Variants in ZNF287 observed in about 807,000 individuals in gnomAD.
The protein encoded by ZNF287 is zinc finger protein 287.
Under a neutral mutation model 73.7 loss-of-function variants are expected in ZNF287, and 31 were observed. The observed-to-expected ratio is 0.42, with a 90% confidence interval of 0.32 to 0.57. ZNF287 has a LOEUF of 0.57. Ranked by LOEUF, ZNF287 falls within the 20% of genes least tolerant of loss-of-function variation. The probability of loss-of-function intolerance (pLI) is 0.13; values close to 1 mark genes in which losing one functional copy is unlikely to be tolerated. For synonymous variants in ZNF287, 301 were observed against 307.2 expected (o/e 0.98, Z 0.21); for missense variants, 641 against 909.3 (o/e 0.70, Z 3.79).
At chr17:16,565,297 A>G (rs1385346791) in intron 3 of ZNF287, among the ~76,000 whole-genome samples, 2 of 151,868 alleles carry the variant, frequency 1.3e-5, no homozygotes, top group Admixed American at 6.6e-5. Context: ...TTCATGTTCT[A>G]CAAAATATTA....
chr17:16,556,621 T>G (rs1483769470), intron 5 of ZNF287, among the ~76,000 whole-genome samples: 2 of 152,174 alleles, frequency 1.3e-5, no homozygotes, highest in Admixed American at 1.3e-4. Context: ...CTAGGATTTG[T>G]TATTCCCCTC....
In ZNF287 at chr17:16,551,958, T is replaced by G; in HGVS notation, c.2184A>C (p.Gly728=). 1.2e-6 allele frequency: 2 copies of G among 1,614,150 alleles called. No homozygotes were observed. Among genetic ancestry groups the G allele is most frequent in the Non-Finnish European group, 1.7e-6 (2 of 1,179,984 alleles). ...ATATACGACATGCATAGGGTTTCTC[T>G]CCTGTGTGAATTCTCTGGTGTTGAA... The part of the protein sequence containing the change: ...CLIQHQRIHT[G]EKPYACRICG... The change falls in exon 6 of 6, where the codon GGA becomes GGC. Residue 728 remains glycine (G), a synonymous_variant. Transcript: ENST00000395825.
In ZNF287 at chr17:16,552,958, G is replaced by A. The variant is rs376489172; in HGVS notation, c.1184C>T (p.Ser395Leu). The change falls in exon 6 of 6, where the codon TCG (serine) becomes TTG (leucine). Residue 395 changes from serine (S) to leucine (L), a missense_variant. Ser to Leu is a moderately radical substitution (Grantham distance 145, BLOSUM62 -2). Around this residue, in one of 2 missense-constraint regions of ZNF287, gnomAD observed 284 missense variants for 466.8 expected, o/e 0.61. Coordinates refer to ENST00000395825, the MANE Select transcript of ZNF287 (RefSeq NM_020653.4). This position sits in a 1 kb window ranked among gnomAD's most constrained non-coding sequence, Gnocchi z 6.5. Reference protein sequence around the residue: ...KHQSTHAKEKSYECEECGKEF... With the variant: ...KHQSTHAKEKLYECEECGKEF... Reference sequence around the variant, plus strand: ...TTTCCCACATTCTTCACATTCATACGATTTCTCTTTGGCATGGGTACTTTG... The same window carrying A: ...TTTCCCACATTCTTCACATTCATACAATTTCTCTTTGGCATGGGTACTTTG... 19 of 1,614,016 alleles carry A rather than the reference G, an allele frequency of 1.2e-5. No individual in the cohort carries two copies. The highest frequency in any genetic ancestry group is 8.0e-5 in the African/African-American group (6 of 74,914).
intron 3 of ZNF287, among the ~76,000 whole-genome samples, chr17:16,565,687 A>C (rs1907701857): frequency 6.6e-6 from 1 of 152,072 alleles, no homozygotes; most frequent in East Asian, 1.9e-4. Flanking sequence ...ACTATTCTTT[A>C]AAATAATATA....
intron 3 of ZNF287, among the ~76,000 whole-genome samples, chr17:16,564,308 C>A (rs2142500381): frequency 6.6e-6 from 1 of 152,256 alleles, no homozygotes; most frequent in South Asian, 2.1e-4. Flanking sequence ...AGAAGTGATC[C>A]TCTCACCTCA....
At position 16,552,129 on chromosome 17, in the gene ZNF287, A is replaced by G; in HGVS notation, c.2013T>C (p.Thr671=). 1.2e-6 allele frequency: 2 copies of G among 1,614,126 alleles called. No homozygotes were observed. The highest frequency in any genetic ancestry group is 1.7e-6 in the Non-Finnish European group (2 of 1,179,980). Residue 671 remains threonine (T), a synonymous_variant, in exon 6 of 6, where the codon ACT becomes ACC. Coordinates refer to ENST00000395825, the MANE Select transcript of ZNF287 (RefSeq NM_020653.4). The surrounding 1 kb of genome is among the most constrained non-coding windows in gnomAD (Gnocchi z 6.5). ...CATTACATTTATAGGGTTTTTCTCC[A>G]GTATGAATCCTTTGATGCTGAGTAA... ...ANLTQHQRIH[T]GEKPYKCNEC...
intron 3 of ZNF287, among the ~76,000 whole-genome samples, chr17:16,565,999 TAAATTCATG>T (rs1389861138): frequency 7.2e-5 from 11 of 152,108 alleles, no homozygotes; most frequent in African/African-American, 2.7e-4. Context: ...AAAATATATA[TAAATTCATG>T]ACCAACAGTA....
chr17:16,547,087 A>G lies in ZNF287; in HGVS notation c.*4769T>C, dbSNP rs1218325936. Among the ~76,000 whole-genome samples the G allele has an allele frequency of 2.0e-5, 3 of 152,248 alleles. No individual in the cohort carries two copies. Among genetic ancestry groups the G allele is most frequent in the African/African-American group, 7.2e-5 (3 of 41,456 alleles). The stretch of plus-strand genomic sequence containing the variant: ...TTCGGGCACATGCAAGTGAACTGAC[A>G]CCAGAAGACAAAGAATGAAACATAA... On this transcript the variant is annotated 3_prime_UTR_variant, in exon 6 of 6. Coordinates refer to ENST00000395825, the MANE Select transcript of ZNF287 (RefSeq NM_020653.4).
Position 16,547,688 on chromosome 17 carries a change from C to T in ZNF287, c.*4168G>A, listed in dbSNP as rs1906357971. Among the ~76,000 whole-genome samples the T allele has an allele frequency of 6.6e-6, 1 of 152,172 alleles. No individual in the cohort carries two copies. The highest frequency in any genetic ancestry group is 1.5e-5 in the Non-Finnish European group (1 of 68,040). On this transcript the variant is annotated 3_prime_UTR_variant, in exon 6 of 6. Transcript: ENST00000395825. The stretch of plus-strand genomic sequence containing the variant: ...CCAGATCTTGGTTTCTAAATAGCTA[C>T]CTATTAAAAGGAGCCAGGGATTCTT...
Position 16,552,671 on chromosome 17 carries a change from G to A in ZNF287, c.1471C>T (p.His491Tyr). The change falls in exon 6 of 6, where the codon CAT becomes TAT. Residue 491 changes from histidine (H) to tyrosine (Y), a missense_variant. By Grantham distance (83) the His-to-Tyr change is moderately conservative. Around this residue, in one of 2 missense-constraint regions of ZNF287, gnomAD observed 284 missense variants for 466.8 expected, o/e 0.61. Coordinates refer to ENST00000395825, the MANE Select transcript of ZNF287 (RefSeq NM_020653.4). The surrounding 1 kb of genome is among the most constrained non-coding windows in gnomAD (Gnocchi z 6.5). ...KCLECGKTFSHSSSLINHQRV... is the reference protein window; with the variant it reads ...KCLECGKTFSYSSSLINHQRV... The stretch of plus-strand genomic sequence containing the variant: ...TGATGATTAATCAGTGATGAACTAT[G>A]ACTGAAGGTTTTACCACATTCCAAG... The A allele has an allele frequency of 6.2e-7, 1 of 1,614,016 alleles. No individual in the cohort carries two copies. The highest frequency in any genetic ancestry group is 8.5e-7 in the Non-Finnish European group (1 of 1,179,964).
rs1474348415 is a variant in ZNF287, at chr17:16,552,808, A to G, written c.1334T>C (p.Ile445Thr). 6.2e-7 allele frequency: 1 copy of G among 1,613,704 alleles called. No homozygotes were observed. Among genetic ancestry groups the G allele is most frequent in the Non-Finnish European group, 8.5e-7 (1 of 1,179,944 alleles). ...QRAHLTIHQRIHTGEKPYKCD... is the reference protein window; with the variant it reads ...QRAHLTIHQRTHTGEKPYKCD... ...CTTATAGGGTTTCTCTCCAGTATGAATTCTCTGATGTATAGTAAGGTGTGC... is the reference window on the plus strand; with the variant it reads ...CTTATAGGGTTTCTCTCCAGTATGAGTTCTCTGATGTATAGTAAGGTGTGC... Residue 445 changes from isoleucine to threonine, a missense_variant, in exon 6 of 6, where the codon ATT becomes ACT. Coordinates refer to ENST00000395825, the MANE Select transcript of ZNF287 (RefSeq NM_020653.4). This position sits in a 1 kb window ranked among gnomAD's most constrained non-coding sequence, Gnocchi z 6.5.
At position 16,560,638 on chromosome 17, in the gene ZNF287, G is replaced by A. The variant is rs374783092; in HGVS notation, c.715+2508C>T. Reference sequence around the variant, plus strand: ...GCTGGGATTACAAGCGCGAGCCACCGTACCCGGCTGAAAGGGCTATTCTTT... The same window carrying A: ...GCTGGGATTACAAGCGCGAGCCACCATACCCGGCTGAAAGGGCTATTCTTT... On this transcript the variant is annotated intron_variant, in intron 5 of 5. Transcript: ENST00000395825. Among the ~76,000 whole-genome samples the A allele has an allele frequency of 2.7e-4, 41 of 150,906 alleles. 1 individual carries two copies. The highest frequency in any genetic ancestry group is 1.4e-3 in the East Asian group (7 of 4,928).
At position 16,553,009 on chromosome 17, in the gene ZNF287, C is replaced by A. The variant is rs1352077837; in HGVS notation, c.1133G>T (p.Arg378Met). The change falls in exon 6 of 6, where the codon AGG becomes ATG. Residue 378 changes from arginine (R) to methionine (M), a missense_variant. Around this residue, in one of 2 missense-constraint regions of ZNF287, gnomAD observed 357 missense variants for 442.4 expected, o/e 0.81. Coordinates refer to ENST00000395825, the MANE Select transcript of ZNF287 (RefSeq NM_020653.4). ...GTGTTTCAGGAGGGATGGGTATTTC[C>A]TAAATTTTTTCCCACACACATTACA... ...YKCNVCGKKF[R>M]KYPSLLKHQS... 1 of 1,613,914 alleles carries A rather than the reference C, an allele frequency of 6.2e-7. No homozygotes were observed. Among genetic ancestry groups the A allele is most frequent in the East Asian group, 2.2e-5 (1 of 44,896 alleles).
rs1906831606 is a variant in ZNF287, at chr17:16,553,419, T to C, written c.723A>G (p.Glu241=). The C allele has an allele frequency of 1.3e-5, 19 of 1,488,552 alleles. No homozygotes were observed. The highest frequency in any genetic ancestry group is 1.4e-5 in the African/African-American group (1 of 69,766). 92.2% of individuals were successfully genotyped at this position (1,488,552 alleles called of 1,614,324 possible). ...EILEGPSPEW[E]TKAQACTPVE... is the part of the protein sequence containing the mutation. ...CTGGAGTACATGCTTGGGCTTTAGT[T>C]TCCCATTCTGAAATAAAAAATATAT... Residue 241 remains glutamate (E), a synonymous_variant, in exon 6 of 6, where the codon GAA becomes GAG. Transcript: ENST00000395825.
At chr17:16,560,510 C>T (rs1426390826) in intron 5 of ZNF287, among the ~76,000 whole-genome samples, 2 of 150,912 alleles carry the variant, frequency 1.3e-5, no homozygotes, top group Non-Finnish European at 2.9e-5. Context: ...CCACCACGCC[C>T]AGCTAATTTT....
chr17:16,550,735 A>T lies in ZNF287; in HGVS notation c.*1121T>A, dbSNP rs73282633. Reference sequence around the variant, plus strand: ...GAAGTTTGGGACCTGAGCATAGTAGACACTCAAGAAACGTGTTTCAGTGGA... The same window carrying T: ...GAAGTTTGGGACCTGAGCATAGTAGTCACTCAAGAAACGTGTTTCAGTGGA... On this transcript the variant is annotated 3_prime_UTR_variant, in exon 6 of 6. Transcript: ENST00000395825. Among the ~76,000 whole-genome samples, 3 of 152,340 alleles carry T rather than the reference A, an allele frequency of 2.0e-5. No individual in the cohort carries two copies. The highest frequency in any genetic ancestry group is 7.2e-5 in the African/African-American group (3 of 41,578).
chr17:16,554,851 C>T (rs191408261), intron 5 of ZNF287, among the ~76,000 whole-genome samples: 3 of 152,098 alleles, frequency 2.0e-5, no homozygotes, highest in Admixed American at 1.3e-4. Context: ...ACCCAGTAGG[C>T]GGAGGTTGCA....
chr17:16,569,142 T>G lies in ZNF287; in HGVS notation c.-389A>C, dbSNP rs2142515357. Reference sequence around the variant, plus strand: ...GGAGCTGCACGTTCCAGCCCGGTCCTGAGAAGCCCGGCCCAGAAACCCCGG... The same window carrying G: ...GGAGCTGCACGTTCCAGCCCGGTCCGGAGAAGCCCGGCCCAGAAACCCCGG... On this transcript the variant is annotated 5_prime_UTR_variant, in exon 1 of 6. Transcript: ENST00000395825. The G allele has an allele frequency of 6.6e-6, 1 of 152,500 alleles. No homozygotes were observed. Among genetic ancestry groups the G allele is most frequent in the South Asian group, 2.1e-4 (1 of 4,826 alleles). 9.4% of individuals were successfully genotyped at this position (152,500 alleles called of 1,614,324 possible).
At position 16,556,165 on chromosome 17, in the gene ZNF287, G is replaced by GACACACACACACAC. The variant is rs137989045; in HGVS notation, c.716-2753_716-2740dup. Among the ~76,000 whole-genome samples, 466 of 144,304 alleles carry GACACACACACACAC rather than the reference G, an allele frequency of 3.2e-3. 5 individuals are homozygous for GACACACACACACAC. Among genetic ancestry groups the GACACACACACACAC allele is most frequent in the African/African-American group, 0.011 (452 of 39,744 alleles). The allele number at this position is 144,304 out of a possible 152,430, so 94.7% of individuals were successfully genotyped here. On this transcript the variant is annotated intron_variant, in intron 5 of 5. Transcript: ENST00000395825. ...GCTATTTGTGTTACAGACAGACACA[G>GACACACACACACAC]ACACACACACACACACACACACACA... is the stretch of plus-strand genomic sequence containing the variant.
Sources: allele counts gnomAD v4.1 joint callset (sites outside exome capture counted in the v4.1 genomes callset), GRCh38; gene constraint gnomAD v4.1.1; regional missense constraint gnomAD v4.1.1; non-coding constraint Gnocchi (gnomAD v3.1); transcripts MANE v1.5; gene names NCBI Gene and HGNC (gene_info 2026-07-23, HGNC 2026-07-21).